The following ZNF277 variants were observed in gnomAD, a reference collection of about 807,000 sequenced individuals.
ZNF277 encodes the protein nuclear receptor-interacting factor 4.
Under a neutral mutation model 60.7 loss-of-function variants are expected in ZNF277, and 55 were observed. That is an observed-to-expected ratio of 0.91 (90% CI 0.73 to 1.13). ZNF277 has a LOEUF of 1.13. Among genes scored for constraint, ZNF277 ranks in the 50% most tolerant of loss-of-function variants. The pLI is 0.00. For missense variants in ZNF277, 510 were observed against 523.0 expected, an observed-to-expected ratio of 0.98 and a Z score of 0.24; for synonymous variants, 178 against 179.3, an observed-to-expected ratio of 0.99 and a Z score of 0.06.
intron 1 of ZNF277, among the ~76,000 whole-genome samples, chr7:112,212,800 A>G (rs957548135): frequency 1.3e-5 from 2 of 152,092 alleles, no homozygotes; most frequent in Non-Finnish European, 2.9e-5. Context: ...GTGCTCTGCA[A>G]GCCTTTATAT....
At chr7:112,241,085 C>T (rs946663233) in intron 1 of ZNF277, among the ~76,000 whole-genome samples, 1 of 151,552 alleles carries the variant, frequency 6.6e-6, no homozygotes, top group Admixed American at 6.6e-5. Context: ...TATCGGAGAA[C>T]GTATTTGCAA....
At chr7:112,263,179 C>T (rs1791472182) in intron 1 of ZNF277, among the ~76,000 whole-genome samples, 1 of 152,190 alleles carries the variant, frequency 6.6e-6, no homozygotes. Context: ...AAGGCACAGT[C>T]TTTCTGAATA....
chr7:112,279,768 A>G lies in ZNF277; in HGVS notation c.92-7105A>G, dbSNP rs183985104. 2.8e-3 allele frequency among the ~76,000 whole-genome samples: 428 copies of G among 152,312 alleles called. 1 individual carries two copies. The highest frequency in any genetic ancestry group is 5.3e-3 in the Non-Finnish European group (362 of 68,028). Reference sequence around the variant, plus strand: ...CATTTCTAACTATAAAATAAGCTAGAAAAAAGAAATATTTTTAAAAAACAT... The same window carrying G: ...CATTTCTAACTATAAAATAAGCTAGGAAAAAGAAATATTTTTAAAAAACAT... On this transcript the variant is annotated intron_variant, in intron 1 of 11. Transcript: ENST00000361822.
chr7:112,207,646 T>G (rs972285967), intron 1 of ZNF277, among the ~76,000 whole-genome samples: 1 of 150,098 alleles, frequency 6.7e-6, no homozygotes, highest in Non-Finnish European at 1.5e-5. Flanking sequence ...CCCTCCCCCA[T>G]TCCCCCCACC....
chr7:112,330,140 A>G lies in ZNF277; in HGVS notation c.725A>G (p.His242Arg). 6.2e-7 allele frequency: 1 copy of G among 1,613,528 alleles called. No homozygotes were observed. The highest frequency in any genetic ancestry group is 8.5e-7 in the Non-Finnish European group (1 of 1,179,780). Reference protein sequence around the residue: ...TFRDKNTLKDHMRKKQHRKIN... With the variant: ...TFRDKNTLKDRMRKKQHRKIN... The stretch of plus-strand genomic sequence containing the variant: ...AGGGACAAAAATACACTTAAAGATC[A>G]CATGAGGAAAAAACAGCATCGTAAG... Residue 242 changes from histidine to arginine, a missense_variant, in exon 7 of 12, where the codon CAC becomes CGC. Physicochemically the swap from His to Arg is conservative, Grantham distance 29. Coordinates refer to ENST00000361822, the MANE Select transcript of ZNF277 (RefSeq NM_021994.3).
chr7:112,245,192 A>C (rs958811192), intron 1 of ZNF277, among the ~76,000 whole-genome samples: 2 of 152,214 alleles, frequency 1.3e-5, no homozygotes, highest in East Asian at 3.9e-4. Flanking sequence ...TGGACCTTCA[A>C]GTCATCATTT....
chr7:112,238,270 G>A (rs1790855903), intron 1 of ZNF277, among the ~76,000 whole-genome samples: 1 of 152,198 alleles, frequency 6.6e-6, no homozygotes, highest in Admixed American at 6.5e-5. Context: ...TAATTGTGGG[G>A]CATTGCATTG....
chr7:112,253,587 T>A (rs1587120086), intron 1 of ZNF277, among the ~76,000 whole-genome samples: 1 of 152,084 alleles, frequency 6.6e-6, no homozygotes. Context: ...GAGCCCTCTG[T>A]CCCCCATATC....
intron 1 of ZNF277, among the ~76,000 whole-genome samples, chr7:112,210,001 G>C (rs1821694765): frequency 1.3e-5 from 2 of 152,122 alleles, no homozygotes; most frequent in African/African-American, 4.8e-5. Flanking sequence ...CTGTCGTGGG[G>C]TTGGGGGATG....
chr7:112,283,601 G>T (rs1382263907), intron 1 of ZNF277, among the ~76,000 whole-genome samples: 1 of 152,118 alleles, frequency 6.6e-6, no homozygotes. Flanking sequence ...GCATATTCAT[G>T]ATTTTGTTTC....
chr7:112,256,825 T>A (rs1791322170), intron 1 of ZNF277, among the ~76,000 whole-genome samples: 1 of 152,162 alleles, frequency 6.6e-6, no homozygotes, highest in Admixed American at 6.5e-5. Flanking sequence ...TAATTTTTGT[T>A]CAGAATTGTT....
intron 4 of ZNF277, among the ~76,000 whole-genome samples, chr7:112,302,410 AATTTAT>A (rs1178428505): frequency 1.3e-5 from 2 of 152,108 alleles, no homozygotes; most frequent in Admixed American, 1.3e-4. Context: ...TAAAAAAATC[AATTTAT>A]ATTTATACTT....
At chr7:112,339,660 T>C (rs1793404876) in intron 9 of ZNF277, among the ~76,000 whole-genome samples, 183 bp from the exon 10 acceptor site, 1 of 152,214 alleles carries the variant, frequency 6.6e-6, no homozygotes, top group Admixed American at 6.5e-5. Flanking sequence ...TTGTTTGGAC[T>C]ATGCTGTAAA....
chr7:112,241,460 A>T (rs1215930257), intron 1 of ZNF277, among the ~76,000 whole-genome samples: 1 of 152,126 alleles, frequency 6.6e-6, no homozygotes, highest in Non-Finnish European at 1.5e-5. Flanking sequence ...GTTGCTCAAA[A>T]AACTAAAAAT....
At position 112,295,855 on chromosome 7, in the gene ZNF277, T is replaced by A; in HGVS notation, c.294-14T>A. On this transcript the variant is annotated splice_polypyrimidine_tract_variant and intron_variant, in intron 2 of 11. Coordinates refer to ENST00000361822, the MANE Select transcript of ZNF277 (RefSeq NM_021994.3). ...TGAATCTTCTCATCGTTCCTTATTT[T>A]ATGTTGTTCTAAGGTACATTTTATA... The A allele has an allele frequency of 1.3e-6, 2 of 1,593,972 alleles. No homozygotes were observed. Among genetic ancestry groups the A allele is most frequent in the Non-Finnish European group, 1.7e-6 (2 of 1,162,996 alleles).
intron 11 of ZNF277, among the ~76,000 whole-genome samples, chr7:112,341,801 G>A (rs775792183): frequency 6.6e-6 from 1 of 152,126 alleles, no homozygotes; most frequent in Non-Finnish European, 1.5e-5. Flanking sequence ...TCTGTTCTTA[G>A]GGAATGTTAA....
intron 2 of ZNF277, among the ~76,000 whole-genome samples, chr7:112,292,140 T>C (rs1792223545): frequency 6.6e-6 from 1 of 152,198 alleles, no homozygotes; most frequent in South Asian, 2.1e-4. Context: ...CCCATGTGCA[T>C]ATCACCTTGA....
At chr7:112,220,281 C>A (rs1242460561) in intron 1 of ZNF277, among the ~76,000 whole-genome samples, 3 of 151,748 alleles carry the variant, frequency 2.0e-5, no homozygotes, top group African/African-American at 7.3e-5. Flanking sequence ...GTTCATTATT[C>A]CTAAGTATTT....
At position 112,243,912 on chromosome 7, in the gene ZNF277, A is replaced by C. The variant is rs543590659; in HGVS notation, c.91+37105A>C. 2.0e-4 allele frequency among the ~76,000 whole-genome samples: 31 copies of C among 152,248 alleles called. 2 individuals are homozygous for C. In the South Asian group the frequency reaches 6.4e-3, roughly 32 times the overall value. Reference sequence around the variant, plus strand: ...TTGGAATAAACCTACGCGTCCATCAATGGATGATTGGATAAAGAAAATATA... The same window carrying C: ...TTGGAATAAACCTACGCGTCCATCACTGGATGATTGGATAAAGAAAATATA... On this transcript the variant is annotated intron_variant, in intron 1 of 11. Coordinates refer to ENST00000361822, the MANE Select transcript of ZNF277 (RefSeq NM_021994.3).
Sources: gnomAD v4.1 joint callset for allele counts (sites outside exome capture counted in the v4.1 genomes callset) on GRCh38, gnomAD v4.1.1 for gene constraint, MANE v1.5 for transcripts, NCBI Gene and HGNC (gene_info 2026-07-23, HGNC 2026-07-21) for gene names.